COL9A2: variants seen among roughly 807,000 people sequenced by gnomAD.
COL9A2 encodes the protein collagen type IX alpha 2 chain.
In COL9A2, 66 loss-of-function variants were observed where a neutral mutation model predicts 111.6. That is an observed-to-expected ratio of 0.59 (90% confidence interval 0.48 to 0.73). The LOEUF is 0.73. Ranked by LOEUF, COL9A2 falls within the 30% of genes least tolerant of loss-of-function variation. COL9A2 has a pLI of 0.00. For missense variants in COL9A2, 881 were observed against 954.1 expected (o/e 0.92, Z 1.01); for synonymous variants, 353 against 364.1 (o/e 0.97, Z 0.35).
Position 40,307,653 on chromosome 1 carries a change from G to A in COL9A2, c.954+50C>T. ...CAGGCTCTTGGTGTCTAGAATCCAG[G>A]ACTCAAGGTCCTGCCCCTGCCCCAG... is the stretch of plus-strand genomic sequence containing the variant. On this transcript the variant is annotated intron_variant, in intron 18 of 31. Transcript: ENST00000372748. The surrounding 1 kb of genome is among the most constrained non-coding windows in gnomAD (Gnocchi z 4.8). 1 of 1,609,186 alleles carries A rather than the reference G, an allele frequency of 6.2e-7. No individual in the cohort carries two copies. The highest frequency in any genetic ancestry group is 8.5e-7 in the Non-Finnish European group (1 of 1,176,466).
chr1:40,314,430 C>T lies in COL9A2; in HGVS notation c.151-43G>A, dbSNP rs781673725. On this transcript the variant is annotated intron_variant, in intron 2 of 31. Transcript: ENST00000372748. This position sits in a 1 kb window ranked among gnomAD's most constrained non-coding sequence, Gnocchi z 4.1. ...GTGAGACAGCACACTACGGCTCACA[C>T]TACCCCAAGTGGGCACACACAGGCC... is the stretch of plus-strand genomic sequence containing the variant. 2.5e-6 allele frequency: 4 copies of T among 1,613,760 alleles called. No homozygotes were observed. Among genetic ancestry groups the T allele is most frequent in the Middle Eastern group, 1.7e-4 (1 of 6,060 alleles).
chr1:40,313,325 C>T (rs1172842910), intron 4 of COL9A2, among the ~76,000 whole-genome samples: 3 of 152,136 alleles, frequency 2.0e-5, no homozygotes, highest in Non-Finnish European at 2.9e-5. Flanking sequence ...TGCGCCACCA[C>T]GCTTGGGTAA....
Position 40,317,228 on chromosome 1 carries a change from C to G in COL9A2, c.-31G>C. On this transcript the variant is annotated 5_prime_UTR_variant, in exon 1 of 32. Coordinates refer to ENST00000372748, the MANE Select transcript of COL9A2 (RefSeq NM_001852.4). The surrounding 1 kb of genome is among the most constrained non-coding windows in gnomAD (Gnocchi z 4.3). ...GCGGCGAGACCAAGGGGGACGGGTG[C>G]GTGTCCGCGCACGCACCGACGGCAG... 1 of 1,366,464 alleles carries G rather than the reference C, an allele frequency of 7.3e-7. No homozygotes were observed. Among genetic ancestry groups the G allele is most frequent in the Non-Finnish European group, 9.7e-7 (1 of 1,026,766 alleles). 84.6% of individuals were successfully genotyped at this position (1,366,464 alleles called of 1,614,324 possible). A position where few individuals can be genotyped will look rare whatever the true frequency, so the allele number is the denominator to read the frequency against.
Position 40,303,184 on chromosome 1 carries a change from C to G in COL9A2, c.1550G>C (p.Gly517Ala). 1.9e-6 allele frequency: 3 copies of G among 1,610,974 alleles called. No homozygotes were observed. In the South Asian group the frequency reaches 3.3e-5, roughly 18 times the overall value. Reference sequence around the variant, plus strand: ...GATGTGCTGGTCAGTGGCATCCCGGCCCTGAAAGCAGAGGCCTTTCAGGAA... The same window carrying G: ...GATGTGCTGGTCAGTGGCATCCCGGGCCTGAAAGCAGAGGCCTTTCAGGAA... The part of the protein sequence containing the change: ...PGQPGRQGVE[G>A]RDATDQHIVD... Residue 517 changes from glycine to alanine, a missense_variant and splice_region_variant, in exon 29 of 32, where the codon GGC (glycine) becomes GCC (alanine). Transcript: ENST00000372748. This position sits in a 1 kb window ranked among gnomAD's most constrained non-coding sequence, Gnocchi z 4.6.
chr1:40,311,451 T>G lies in COL9A2; in HGVS notation c.519+49A>C. 1 of 1,340,704 alleles carries G rather than the reference T, an allele frequency of 7.5e-7. No individual in the cohort carries two copies. The highest frequency in any genetic ancestry group is 1.1e-6 in the Non-Finnish European group (1 of 941,448). The allele number at this position is 1,340,704 out of a possible 1,614,324, so 83.1% of individuals were successfully genotyped here. ...CTCCGTGGCCCCGCCTCCCCATCTC[T>G]GTGGCCCCGCCCCCCTGTGTTAGCC... On this transcript the variant is annotated intron_variant, in intron 10 of 31. Coordinates refer to ENST00000372748, the MANE Select transcript of COL9A2 (RefSeq NM_001852.4). The surrounding 1 kb of genome is among the most constrained non-coding windows in gnomAD (Gnocchi z 5.1).
chr1:40,301,679 G>C, intron 31 of COL9A2, 133 bp downstream of exon 31: 5 of 866,770 alleles, frequency 5.8e-6, no homozygotes, highest in Non-Finnish European at 8.9e-6. Context: ...GTGCTCCAAA[G>C]GGGTGCAGAA....
In COL9A2 at chr1:40,302,960, C is replaced by T; in HGVS notation, c.1604-151G>A. 1 of 1,125,684 alleles carries T rather than the reference C, an allele frequency of 8.9e-7. No homozygotes were observed. The highest frequency in any genetic ancestry group is 1.3e-6 in the Non-Finnish European group (1 of 775,962). 69.7% of individuals were successfully genotyped at this position (1,125,684 alleles called of 1,614,324 possible). A position where few individuals can be genotyped will look rare whatever the true frequency, so the allele number is the denominator to read the frequency against. ...TCCGTGGGCTCTGTTTTGCGGAAGT[C>T]AAAGGCCCAGAGTGACTTATTCAAG... is the stretch of plus-strand genomic sequence containing the variant. On this transcript the variant is annotated intron_variant, in intron 29 of 31. Transcript: ENST00000372748. This position sits in a 1 kb window ranked among gnomAD's most constrained non-coding sequence, Gnocchi z 4.5.
In COL9A2 at chr1:40,311,090, C is replaced by T. The variant is rs2124087562; in HGVS notation, c.630+3G>A. On this transcript the variant is annotated splice_donor_region_variant and intron_variant, in intron 12 of 31. Transcript: ENST00000372748. The surrounding 1 kb of genome is among the most constrained non-coding windows in gnomAD (Gnocchi z 5.1). ...ACCCACAGCCCTCAGCCCTTGCACT[C>T]ACCGGCTTCCCCTGGTGGCCAGGAT... 1.2e-6 allele frequency: 2 copies of T among 1,614,082 alleles called. No homozygotes were observed. The highest frequency in any genetic ancestry group is 2.2e-5 in the South Asian group (2 of 91,082).
chr1:40,312,492 G>C lies in COL9A2; in HGVS notation c.340-13C>G. ...CAAAACCAGGGCCCTGGAACAGAAAGAAAGAAAATTGGCTTCATGGCTCCC... is the reference window on the plus strand; with the variant it reads ...CAAAACCAGGGCCCTGGAACAGAAACAAAGAAAATTGGCTTCATGGCTCCC... On this transcript the variant is annotated splice_polypyrimidine_tract_variant and intron_variant, in intron 6 of 31. Coordinates refer to ENST00000372748, the MANE Select transcript of COL9A2 (RefSeq NM_001852.4). The surrounding 1 kb of genome is among the most constrained non-coding windows in gnomAD (Gnocchi z 6.0). 1 of 1,613,938 alleles carries C rather than the reference G, an allele frequency of 6.2e-7. No individual in the cohort carries two copies. The highest frequency in any genetic ancestry group is 8.5e-7 in the Non-Finnish European group (1 of 1,179,924).
At chr1:40,305,622 C>G (rs1193816458) in intron 21 of COL9A2, 93 bp downstream of exon 21, 1 of 1,193,738 alleles carries the variant, frequency 8.4e-7, no homozygotes, top group Non-Finnish European at 1.3e-6. Flanking sequence ...CAGGGCAGAG[C>G]CAGACTAACT....
rs200744276 is a variant in COL9A2, at chr1:40,317,191, C to T, written c.7G>A (p.Ala3Thr). 2.4e-5 allele frequency: 38 copies of T among 1,578,772 alleles called. No homozygotes were observed. The African/African-American group carries it at 4.3e-4, about 18-fold the overall frequency. The change falls in exon 1 of 32, where the codon GCC becomes ACC. Residue 3 changes from alanine to threonine, a missense_variant. By Grantham distance (58) the Ala-to-Thr change is moderately conservative (BLOSUM62 0). Coordinates refer to ENST00000372748, the MANE Select transcript of COL9A2 (RefSeq NM_001852.4). This position sits in a 1 kb window ranked among gnomAD's most constrained non-coding sequence, Gnocchi z 4.3. The stretch of plus-strand genomic sequence containing the variant: ...AGGCTGCGGGGGGAGGCCGTAGCGG[C>T]GGCCATGGCTGGCGGCGAGACCAAG... Reference protein sequence around the residue: MAAATASPRSLLV... With the variant: MATATASPRSLLV...
chr1:40,317,119 T>G lies in COL9A2; in HGVS notation c.75+4A>C. ...CCTGGCAGCGGAGGGGCTGCGAAAC[T>G]TACAATCTGCGCCAGAGCGAGCACT... On this transcript the variant is annotated splice_donor_region_variant and intron_variant, in intron 1 of 31. Coordinates refer to ENST00000372748, the MANE Select transcript of COL9A2 (RefSeq NM_001852.4). This position sits in a 1 kb window ranked among gnomAD's most constrained non-coding sequence, Gnocchi z 4.3. 1.3e-6 allele frequency: 2 copies of G among 1,570,954 alleles called. No individual in the cohort carries two copies. The highest frequency in any genetic ancestry group is 4.8e-5 in the East Asian group (2 of 41,754).
Position 40,304,389 on chromosome 1 carries a change from G to A in COL9A2, c.1218C>T (p.Gly406=), listed in dbSNP as rs774683294. The change falls in exon 24 of 32, where the codon GGC becomes GGT. Residue 406 remains glycine (G), a splice_region_variant and synonymous_variant. Coordinates refer to ENST00000372748, the MANE Select transcript of COL9A2 (RefSeq NM_001852.4). The part of the protein sequence containing the change: ...VGQPGPQGRQ[G]PKGEQGPPGI... ...CGGGGGGGCCCTGCTCCCCCTTAGG[G>A]CCCTGAGGAGAAAAGAAACCAAAGG... The A allele has an allele frequency of 1.4e-5, 22 of 1,599,922 alleles. No homozygotes were observed. The highest frequency in any genetic ancestry group is 2.6e-6 in the Non-Finnish European group (3 of 1,173,054).
chr1:40,315,051 T>C (rs1214396083), intron 2 of COL9A2, among the ~76,000 whole-genome samples: 1 of 152,014 alleles, frequency 6.6e-6, no homozygotes, highest in African/African-American at 2.4e-5. Context: ...CCAGGTTGAA[T>C]AGAAGTCTGT....
At chr1:40,304,186 A>C in intron 24 of COL9A2, 87 bp from the exon 25 acceptor site, 5 of 1,514,054 alleles carry the variant, frequency 3.3e-6, no homozygotes, top group Non-Finnish European at 4.4e-6. Flanking sequence ...CCTCTTTCCA[A>C]CTCCGCCTCG....
Position 40,315,600 on chromosome 1 carries a change from T to C in COL9A2, c.140A>G (p.Asp47Gly). The change falls in exon 2 of 32, where the codon GAC becomes GGC. Residue 47 changes from aspartate (D) to glycine (G), a missense_variant. Asp to Gly is a moderately conservative substitution (Grantham distance 94). Coordinates refer to ENST00000372748, the MANE Select transcript of COL9A2 (RefSeq NM_001852.4). Reference protein sequence around the residue: ...PPGPPGVPGSDGIDGDNGPPG... With the variant: ...PPGPPGVPGSGGIDGDNGPPG... ...AGGTTAGAGACTTACGTCGATGCCGTCGGATCCAGGCACTCCCGGCGGTCC... is the reference window on the plus strand; with the variant it reads ...AGGTTAGAGACTTACGTCGATGCCGCCGGATCCAGGCACTCCCGGCGGTCC... 1 of 1,552,274 alleles carries C rather than the reference T, an allele frequency of 6.4e-7. No individual in the cohort carries two copies. The highest frequency in any genetic ancestry group is 8.7e-7 in the Non-Finnish European group (1 of 1,147,148).
rs766758379 is a variant in COL9A2, at chr1:40,301,846, C to G, written c.1836G>C (p.Gly612=). The G allele has an allele frequency of 5.0e-6, 8 of 1,614,084 alleles. No homozygotes were observed. The highest frequency in any genetic ancestry group is 5.9e-6 in the Non-Finnish European group (7 of 1,179,976). Residue 612 remains glycine, a synonymous_variant, in exon 31 of 32, where the codon GGG becomes GGC. Coordinates refer to ENST00000372748, the MANE Select transcript of COL9A2 (RefSeq NM_001852.4). ...EKGDPGEVGR[G]HPGMPGPPGI... is the part of the protein sequence containing the mutation. ...CTGGGGGCCCAGGCATCCCGGGGTG[C>G]CCCCGTCCCACTTCTCCTGGATCAC...
At chr1:40,305,588 AAG>A in intron 21 of COL9A2, 125 bp downstream of exon 21, 1 of 882,230 alleles carries the variant, frequency 1.1e-6, no homozygotes, top group East Asian at 2.5e-5. Flanking sequence ...AGGGAGGAGA[AAG>A]AGCTTCCCTG....
At chr1:40,315,522 A>G in intron 2 of COL9A2, 68 bp downstream of exon 2, 1 of 1,385,122 alleles carries the variant, frequency 7.2e-7, no homozygotes. Context: ...CACCCCCACC[A>G]CAGCGCTCAC....
Sources: gnomAD v4.1 joint callset for allele counts (sites outside exome capture counted in the v4.1 genomes callset) on GRCh38, gnomAD v4.1.1 for gene constraint, Gnocchi (gnomAD v3.1) non-coding constraint, MANE v1.5 for transcripts, NCBI Gene and HGNC (gene_info 2026-07-23, HGNC 2026-07-21) for gene names.